The following PEX13 variants were observed in gnomAD, a reference collection of about 807,000 sequenced individuals.
The protein encoded by PEX13 is peroxisomal biogenesis factor 13, also known as peroxisome biogenesis factor 13.
In PEX13, 28 loss-of-function variants were observed where a neutral mutation model predicts 34.5. The observed-to-expected ratio is 0.81, with a 90% CI of 0.60 to 1.11. The LOEUF is 1.11. PEX13 is among the 50% of genes most tolerant of loss of function. PEX13 has a pLI of 0.00. For synonymous variants in PEX13, 177 were observed against 175.1 expected (o/e 1.01, Z -0.09); for missense variants, 550 against 491.0 (o/e 1.12, Z -1.13).
intron 1 of PEX13, chr2:61,018,073 C>G (rs903646470): frequency 1.3e-6 from 2 of 1,501,800 alleles, no homozygotes; most frequent in Non-Finnish European, 1.8e-6. Flanking sequence ...ACGTTTTTTT[C>G]GGGAGCTCCT....
rs1033146733 is a variant in PEX13, at chr2:61,051,138, T to C, written c.*2368T>C. The C allele has an allele frequency of 2.6e-5, 4 of 152,230 alleles. No individual in the cohort carries two copies. Among genetic ancestry groups the C allele is most frequent in the Non-Finnish European group, 4.4e-5 (3 of 68,034 alleles). The allele number at this position is 152,230 out of a possible 1,614,324, so 9.4% of individuals were successfully genotyped here. A position where few individuals can be genotyped will look rare whatever the true frequency, so the allele number is the denominator to read the frequency against. ...AGAAAAATAAATATAGTAAAATTTA[T>C]TTATCTTTGGCCAGTTTTCCAACAC... On this transcript the variant is annotated 3_prime_UTR_variant, in exon 4 of 4. Transcript: ENST00000295030.
intron 1 of PEX13, chr2:61,019,066 C>G (rs767697559): frequency 2.6e-5 from 4 of 152,278 alleles, no homozygotes; most frequent in Non-Finnish European, 4.4e-5. Context: ...CGGCTAAACT[C>G]TCCCATTCTT....
intron 2 of PEX13, among the ~76,000 whole-genome samples, chr2:61,044,875 G>T (rs1363903531): frequency 2.0e-5 from 3 of 152,206 alleles, no homozygotes; most frequent in African/African-American, 7.2e-5. Flanking sequence ...CAAGTTGGCA[G>T]CAGATACATT....
At chr2:61,027,180 A>G (rs1340925083) in intron 1 of PEX13, among the ~76,000 whole-genome samples, 1 of 151,612 alleles carries the variant, frequency 6.6e-6, no homozygotes, top group Non-Finnish European at 1.5e-5. Flanking sequence ...CAAAAAGAAA[A>G]AAAAAAAAAA....
At chr2:61,040,062 A>T (rs1386992577) in intron 2 of PEX13, among the ~76,000 whole-genome samples, 1 of 152,048 alleles carries the variant, frequency 6.6e-6, no homozygotes, top group Non-Finnish European at 1.5e-5. Context: ...GCCAGTTAGA[A>T]TGATCATTAA....
chr2:61,018,152 A>G (rs1412316372), intron 1 of PEX13: 1 of 1,550,454 alleles, frequency 6.4e-7, no homozygotes. Context: ...TTCTGTTTTC[A>G]CTTTGACAGA....
Position 61,048,830 on chromosome 2 carries a change from TCACAA to T in PEX13, c.*61_*65del. On this transcript the variant is annotated 3_prime_UTR_variant, in exon 4 of 4. Coordinates refer to ENST00000295030, the MANE Select transcript of PEX13 (RefSeq NM_002618.4). ...TTAGAGTACTTTTTAAAATTATTTC[TCACAA>T]AGAAATGAATGTACAATCCAATGAA... 1 of 1,336,474 alleles carries T rather than the reference TCACAA, an allele frequency of 7.5e-7. No homozygotes were observed. The highest frequency in any genetic ancestry group is 1.1e-6 in the Non-Finnish European group (1 of 932,682). 82.8% of individuals were successfully genotyped at this position (1,336,474 alleles called of 1,614,324 possible). A position where few individuals can be genotyped will look rare whatever the true frequency, so the allele number is the denominator to read the frequency against.
rs1041594098 is a variant in PEX13 at position 61,051,433 on chromosome 2, G to T, written c.*2663G>T. 8.7e-4 allele frequency: 133 copies of T among 152,420 alleles called. No individual in the cohort carries two copies. Among genetic ancestry groups the T allele is most frequent in the African/African-American group, 3.1e-3 (127 of 41,566 alleles). The allele number at this position is 152,420 out of a possible 1,614,324, so 9.4% of individuals were successfully genotyped here. On this transcript the variant is annotated 3_prime_UTR_variant, in exon 4 of 4. Transcript: ENST00000295030. ...AAAATAGTGACACTTTTGTAGGGGTGTTTATTGTTTGGTTAAGTCTGCTAA... is the reference window on the plus strand; with the variant it reads ...AAAATAGTGACACTTTTGTAGGGGTTTTTATTGTTTGGTTAAGTCTGCTAA...
intron 2 of PEX13, among the ~76,000 whole-genome samples, chr2:61,041,440 A>G (rs956681462): frequency 2.6e-5 from 4 of 152,210 alleles, no homozygotes; most frequent in Non-Finnish European, 5.9e-5. Flanking sequence ...AAGTAGAACC[A>G]TATTATTGCT....
intron 3 of PEX13, among the ~76,000 whole-genome samples, 189 bp downstream of exon 3, chr2:61,046,040 T>C (rs1322907002): frequency 6.6e-6 from 1 of 152,248 alleles, no homozygotes. Context: ...AGCAGAGTTA[T>C]TCGAATACTA....
chr2:61,038,967 CAA>C (rs1261397692), intron 2 of PEX13, among the ~76,000 whole-genome samples: 4 of 152,052 alleles, frequency 2.6e-5, no homozygotes, highest in African/African-American at 9.7e-5. Flanking sequence ...CAGTAATAGC[CAA>C]ATCATGAGTG....
Position 61,018,064 on chromosome 2 carries a change from C to T in PEX13, c.92+213C>T, listed in dbSNP as rs1020818728. On this transcript the variant is annotated intron_variant, in intron 1 of 3. Transcript: ENST00000295030. Reference sequence around the variant, plus strand: ...CTGACCCGGCAGCTCTAATCAGCAACGTTTTTTTCGGGAGCTCCTGGGCGT... The same window carrying T: ...CTGACCCGGCAGCTCTAATCAGCAATGTTTTTTTCGGGAGCTCCTGGGCGT... 2.7e-6 allele frequency: 4 copies of T among 1,497,270 alleles called. No homozygotes were observed. In the African/African-American group the frequency reaches 4.2e-5, roughly 16 times the overall value. The allele number at this position is 1,497,270 out of a possible 1,614,324, so 92.7% of individuals were successfully genotyped here.
intron 1 of PEX13, among the ~76,000 whole-genome samples, chr2:61,021,637 TC>T (rs1260056877): frequency 2.0e-5 from 3 of 152,208 alleles, no homozygotes; most frequent in Non-Finnish European, 4.4e-5. Context: ...GACTTAAACG[TC>T]CCTGTCTGAT....
At chr2:61,037,485 C>A (rs1293598667) in intron 2 of PEX13, among the ~76,000 whole-genome samples, 2 of 152,214 alleles carry the variant, frequency 1.3e-5, no homozygotes, top group Non-Finnish European at 2.9e-5. Context: ...CACACAACTA[C>A]ATAGAGACTG....
In PEX13 at chr2:61,050,158, C is replaced by CT. The variant is rs1211614603; in HGVS notation, c.*1389dup. 2.0e-5 allele frequency: 3 copies of CT among 152,276 alleles called. No individual in the cohort carries two copies. Among genetic ancestry groups the CT allele is most frequent in the African/African-American group, 7.2e-5 (3 of 41,406 alleles). The allele number at this position is 152,276 out of a possible 1,614,324, so 9.4% of individuals were successfully genotyped here. On this transcript the variant is annotated 3_prime_UTR_variant, in exon 4 of 4. Coordinates refer to ENST00000295030, the MANE Select transcript of PEX13 (RefSeq NM_002618.4). ...TGGGAGGCCAAGGCGGGCGGATCAC[C>CT]TGCGGTCAGGAGTTTGAGACCAGCC...
intron 2 of PEX13, among the ~76,000 whole-genome samples, chr2:61,035,722 G>A (rs1021799280): frequency 1.3e-5 from 2 of 152,090 alleles, no homozygotes; most frequent in African/African-American, 2.4e-5. Context: ...GGTGGCACAC[G>A]CCTGTAATCC....
intron 2 of PEX13, among the ~76,000 whole-genome samples, chr2:61,041,746 G>C (rs1393942998): frequency 6.6e-6 from 1 of 152,164 alleles, no homozygotes; most frequent in Non-Finnish European, 1.5e-5. Context: ...TGTCTTTTCA[G>C]AAGTGAGGAG....
At position 61,051,081 on chromosome 2, in the gene PEX13, T is replaced by C. The variant is rs1395335106; in HGVS notation, c.*2311T>C. 6.6e-6 allele frequency: 1 copy of C among 152,332 alleles called. No individual in the cohort carries two copies. The highest frequency in any genetic ancestry group is 1.9e-4 in the East Asian group (1 of 5,340). The allele number at this position is 152,332 out of a possible 1,614,324, so 9.4% of individuals were successfully genotyped here. On this transcript the variant is annotated 3_prime_UTR_variant, in exon 4 of 4. Coordinates refer to ENST00000295030, the MANE Select transcript of PEX13 (RefSeq NM_002618.4). The stretch of plus-strand genomic sequence containing the variant: ...TGAAACGACAGTATCGTAAGTAACA[T>C]ATCATTTATAATAGAAATCTTGACC...
At chr2:61,033,892 T>A (rs1450478448) in intron 2 of PEX13, among the ~76,000 whole-genome samples, 2 of 152,124 alleles carry the variant, frequency 1.3e-5, no homozygotes, top group Non-Finnish European at 2.9e-5. Context: ...TGTAGACATG[T>A]GTAAGAACAT....
Sources: gnomAD v4.1 joint callset for allele counts (sites outside exome capture counted in the v4.1 genomes callset) on GRCh38, gnomAD v4.1.1 for gene constraint, MANE v1.5 for transcripts, NCBI Gene and HGNC (gene_info 2026-07-23, HGNC 2026-07-21) for gene names.